Variants in CP observed in about 807,000 individuals in gnomAD.
The protein encoded by CP is ceruloplasmin, also known as caeruloplasmin.
In CP, 64 loss-of-function variants were observed where a neutral mutation model predicts 122.4. That is an observed-to-expected ratio of 0.52 (90% CI 0.43 to 0.64). The LOEUF (loss-of-function observed/expected upper bound fraction) is 0.64. Among genes scored for constraint, CP ranks in the 30% least tolerant of loss-of-function variants. The pLI is 0.00. For missense variants in CP, 1,167 were observed against 1,284.4 expected (o/e 0.91, Z 1.40); for synonymous variants, 440 against 436.4 (o/e 1.01, Z -0.10).
chr3:149,177,788 T>C (rs1725512472), intron 17 of CP, 52 bp downstream of exon 17: 3 of 1,581,302 alleles, frequency 1.9e-6, no homozygotes, highest in Non-Finnish European at 1.7e-6. Context: ...TCTTCACTTG[T>C]ATTAAAACAT....
intron 9 of CP, among the ~76,000 whole-genome samples, chr3:149,195,143 T>TATCA (rs1321183156): frequency 6.6e-6 from 1 of 152,252 alleles, no homozygotes; most frequent in Non-Finnish European, 1.5e-5. Flanking sequence ...ATTTATTTCC[T>TATCA]ATCAGATTTG....
At chr3:149,190,953 C>G (rs139541419) in intron 9 of CP, among the ~76,000 whole-genome samples, 27 of 152,282 alleles carry the variant, frequency 1.8e-4, no homozygotes, top group African/African-American at 6.0e-4. Flanking sequence ...ATTCACCATA[C>G]TTAAGTGTTG....
At chr3:149,212,935 A>G (rs890203393) in intron 1 of CP, among the ~76,000 whole-genome samples, 1 of 152,232 alleles carries the variant, frequency 6.6e-6, no homozygotes, top group African/African-American at 2.4e-5. Context: ...CGAAGGCATC[A>G]TAGAAATGTA....
chr3:149,173,766 A>G, intron 18 of CP, 36 bp from the exon 19 acceptor site: 1 of 1,100,308 alleles, frequency 9.1e-7, no homozygotes, highest in East Asian at 2.6e-5. Flanking sequence ...ATTATTAAAA[A>G]TAATATATGG....
chr3:149,204,169 A>G (rs976765379), intron 6 of CP, among the ~76,000 whole-genome samples: 5 of 152,230 alleles, frequency 3.3e-5, no homozygotes, highest in African/African-American at 1.2e-4. Context: ...AGTAGGACCT[A>G]GTTAAGGTTT....
At chr3:149,188,006 C>T (rs1296089937) in intron 10 of CP, 46 bp downstream of exon 10, 6 of 1,593,192 alleles carry the variant, frequency 3.8e-6, no homozygotes, top group Non-Finnish European at 5.2e-6. Flanking sequence ...ATTACATATG[C>T]AGTACTAAAA....
chr3:149,212,282 G>A (rs1032215438), intron 2 of CP, among the ~76,000 whole-genome samples, 169 bp downstream of exon 2: 2 of 151,738 alleles, frequency 1.3e-5, no homozygotes, highest in African/African-American at 4.8e-5. Flanking sequence ...CTGCACTCCA[G>A]CCTGGGTGAC....
rs749189972 is a variant in CP at position 149,167,252 on chromosome 3, C to T, written c.587-1202G>A. The T allele has an allele frequency of 5.0e-6, 8 of 1,600,408 alleles. 1 individual carries two copies. The highest frequency in any genetic ancestry group is 2.2e-5 in the South Asian group (2 of 90,188). ...AAGAAGAGAACCGGGTATGCTTTTT[C>T]AGATTATGTTTTTAGGCTTGATCAG... On this transcript the variant is annotated intron_variant, in intron 4 of 5. Transcript: ENST00000479771.
chr3:149,219,010 C>A (rs965863616), intron 1 of CP, among the ~76,000 whole-genome samples: 43 of 152,160 alleles, frequency 2.8e-4, no homozygotes, highest in Admixed American at 2.2e-3. Context: ...ACTGACTGGG[C>A]TAAACATGCT....
Position 149,185,258 on chromosome 3 carries a change from G to T in CP, c.2266C>A (p.His756Asn), listed in dbSNP as rs773420516. 4.3e-6 allele frequency: 7 copies of T among 1,612,834 alleles called. No homozygotes were observed. The East Asian group carries it at 1.6e-4, about 36-fold the overall frequency. ...SPQREWEKEL[H>N]HLQEQNVSNA... ...AATTACTTCTGCTCTTGTAAATGATGCAGCTCCTTTTCCCACTCCCTTTGT... is the reference window on the plus strand; with the variant it reads ...AATTACTTCTGCTCTTGTAAATGATTCAGCTCCTTTTCCCACTCCCTTTGT... Residue 756 changes from histidine to asparagine, a missense_variant, in exon 12 of 19, where the codon CAT becomes AAT. By Grantham distance (68) the His-to-Asn change is moderately conservative. Transcript: ENST00000264613.
At chr3:149,169,785 G>A (rs1240535322), downstream of CP, among the ~76,000 whole-genome samples, 1 of 151,996 alleles carries the variant, frequency 6.6e-6, no homozygotes, top group Non-Finnish European at 1.5e-5. Flanking sequence ...TAATGAACCA[G>A]GCTTATTTTT....
intron 1 of CP, among the ~76,000 whole-genome samples, chr3:149,220,808 A>G (rs1728760676): frequency 6.6e-6 from 1 of 152,174 alleles, no homozygotes; most frequent in Non-Finnish European, 1.5e-5. Context: ...TAATGTAGTG[A>G]ATATTGATTT....
intron 6 of CP, among the ~76,000 whole-genome samples, chr3:149,204,419 C>T (rs1315596453): frequency 2.0e-5 from 3 of 152,254 alleles, no homozygotes; most frequent in East Asian, 3.9e-4. Flanking sequence ...TTCTATAAAA[C>T]AAGGCAGTAC....
intron 4 of CP, among the ~76,000 whole-genome samples, chr3:149,207,888 C>T (rs190039903): frequency 1.3e-5 from 2 of 152,184 alleles, no homozygotes; most frequent in East Asian, 1.9e-4. Context: ...TTGTTATAAA[C>T]TGTACACATT....
At chr3:149,167,834 T>C, downstream of CP, 1 of 1,004,860 alleles carries the variant, frequency 1.0e-6, no homozygotes, top group East Asian at 2.4e-5. Flanking sequence ...CTTATTCTCC[T>C]TTGAAATCTG....
Position 149,186,569 on chromosome 3 carries a change from G to T in CP, c.2028C>A (p.Asn676Lys). Residue 676 changes from asparagine (N) to lysine (K), a missense_variant, in exon 11 of 19, where the codon AAC (asparagine) becomes AAA (lysine). Asn to Lys is a moderately conservative substitution (Grantham distance 94). Coordinates refer to ENST00000264613, the MANE Select transcript of CP (RefSeq NM_000096.4). ...GCGTAAGACTTGTTTGAGGGAAGAG[G>T]TTTGCTGTGTCTCTCCGTTCTCCTC... The part of the protein sequence containing the change: ...LWRGERRDTA[N>K]LFPQTSLTLH... 1 of 1,614,182 alleles carries T rather than the reference G, an allele frequency of 6.2e-7. No homozygotes were observed. Among genetic ancestry groups the T allele is most frequent in the Admixed American group, 1.7e-5 (1 of 60,022 alleles).
At position 149,167,153 on chromosome 3, in the gene CP, G is replaced by A. The variant is rs747611171; in HGVS notation, c.587-1103C>T. On this transcript the variant is annotated intron_variant, in intron 4 of 5. Coordinates refer to the CP transcript ENST00000479771. ...TTCTGTGTCGTACACGCTTGAAAGA[G>A]TATGAACAGTGCATAGACATACTGT... The A allele has an allele frequency of 3.7e-6, 6 of 1,613,866 alleles. No individual in the cohort carries two copies. The highest frequency in any genetic ancestry group is 4.2e-6 in the Non-Finnish European group (5 of 1,179,758).
At chr3:149,192,761 A>C (rs1414833076) in intron 9 of CP, among the ~76,000 whole-genome samples, 1 of 152,062 alleles carries the variant, frequency 6.6e-6, no homozygotes, top group Non-Finnish European at 1.5e-5. Flanking sequence ...TCACCAAGAA[A>C]TTGACTGAAG....
At chr3:149,203,152 C>T (rs1034861496) in intron 6 of CP, among the ~76,000 whole-genome samples, 4 of 152,320 alleles carry the variant, frequency 2.6e-5, no homozygotes, top group Admixed American at 6.5e-5. Context: ...AGTGATCCGC[C>T]CGTCTCGGCT....
Sources: gnomAD v4.1 joint callset for allele counts (sites outside exome capture counted in the v4.1 genomes callset) on GRCh38, gnomAD v4.1.1 for gene constraint, MANE v1.5 for transcripts, NCBI Gene and HGNC (gene_info 2026-07-23, HGNC 2026-07-21) for gene names.